The following ATRIP variants were observed in gnomAD, a reference collection of about 807,000 sequenced individuals.
ATRIP encodes the protein ATR-interacting protein.
In ATRIP, 44 loss-of-function variants were observed where a neutral mutation model predicts 78.1. That is an observed-to-expected ratio of 0.56 (90% CI 0.44 to 0.72). The LOEUF is 0.72. Ranked by LOEUF, ATRIP falls within the 30% of genes least tolerant of loss-of-function variation. ATRIP has a pLI of 0.00. For missense variants in ATRIP, 927 were observed against 980.2 expected, an observed-to-expected ratio of 0.95 and a Z score of 0.72; for synonymous variants, 388 against 408.9, an observed-to-expected ratio of 0.95 and a Z score of 0.62.
At chr3:48,450,516 A>G (rs2039807167) in intron 2 of ATRIP, 1 of 1,292,238 alleles carries the variant, frequency 7.7e-7, no homozygotes, top group Non-Finnish European at 1.0e-6. Flanking sequence ...CAGACACTTC[A>G]TATCACCATC....
intron 3 of ATRIP, 122 bp downstream of exon 3, chr3:48,452,021 C>A: frequency 1.1e-6 from 1 of 948,484 alleles, no homozygotes; most frequent in Non-Finnish European, 1.5e-6. Context: ...TTTCTGCTAT[C>A]ATCTCATTGC....
chr3:48,463,703 G>A (rs933307600), intron 8 of ATRIP, 42 bp from the exon 9 acceptor site: 1 of 1,612,080 alleles, frequency 6.2e-7, no homozygotes, highest in Non-Finnish European at 8.5e-7. Context: ...TATGGAGCTG[G>A]GGTTGGGGAG....
chr3:48,459,776 G>T lies in ATRIP; in HGVS notation c.926-11G>T. 1 of 1,609,024 alleles carries T rather than the reference G, an allele frequency of 6.2e-7. No individual in the cohort carries two copies. The highest frequency in any genetic ancestry group is 1.1e-5 in the South Asian group (1 of 89,968). ...TGTCAGAACCTTCTAGAGTCATCTT[G>T]TCTTCTGCAGGTTCCATTTTGATAA... On this transcript the variant is annotated splice_polypyrimidine_tract_variant and intron_variant, in intron 6 of 12. Coordinates refer to ENST00000320211, the MANE Select transcript of ATRIP (RefSeq NM_130384.3).
chr3:48,448,006 T>A (rs1013189215), intron 1 of ATRIP, among the ~76,000 whole-genome samples: 2 of 152,234 alleles, frequency 1.3e-5, no homozygotes, highest in Non-Finnish European at 2.9e-5. Context: ...CTGCCTGATC[T>A]GTGTTACCAT....
intron 3 of ATRIP, among the ~76,000 whole-genome samples, chr3:48,453,808 A>G (rs1161998297): frequency 1.3e-5 from 2 of 152,274 alleles, no homozygotes; most frequent in Admixed American, 6.5e-5. Flanking sequence ...GGTATTTTAC[A>G]CTCATCATTC....
chr3:48,461,053 C>T (rs775967219), intron 8 of ATRIP, among the ~76,000 whole-genome samples: 1 of 152,212 alleles, frequency 6.6e-6, no homozygotes, highest in Non-Finnish European at 1.5e-5. Context: ...GGCTGCTAAC[C>T]TCTGTGGAGG....
In ATRIP at chr3:48,457,295, A is replaced by T; in HGVS notation, c.708A>T (p.Glu236Asp). ...ACCCTTCTGTGGTTATAAAGCCAGA[A>T]GCATGTTCTCCACAATTTGGAAAAA... ...RKNPSVVIKP[E>D]ACSPQFGKTS... Residue 236 changes from glutamate to aspartate, a missense_variant, in exon 5 of 13, where the codon GAA (glutamate) becomes GAT (aspartate). Physicochemically the swap from Glu to Asp is conservative, Grantham distance 45 (BLOSUM62 2). Coordinates refer to ENST00000320211, the MANE Select transcript of ATRIP (RefSeq NM_130384.3). The T allele has an allele frequency of 6.2e-7, 1 of 1,603,196 alleles. No individual in the cohort carries two copies. Among genetic ancestry groups the T allele is most frequent in the Non-Finnish European group, 8.5e-7 (1 of 1,175,644 alleles).
At chr3:48,455,219 C>T (rs1436579669) in intron 4 of ATRIP, among the ~76,000 whole-genome samples, 3 of 152,188 alleles carry the variant, frequency 2.0e-5, no homozygotes, top group Non-Finnish European at 4.4e-5. Context: ...GAACTTTCTA[C>T]CGCCTTTGTT....
At chr3:48,452,043 C>T in intron 3 of ATRIP, 144 bp downstream of exon 3, 2 of 819,750 alleles carry the variant, frequency 2.4e-6, no homozygotes, top group Admixed American at 6.0e-5. Context: ...ATCCACTCTT[C>T]TTCCAGGGTC....
At chr3:48,448,368 C>T (rs1382838220) in intron 1 of ATRIP, among the ~76,000 whole-genome samples, 2 of 152,100 alleles carry the variant, frequency 1.3e-5, no homozygotes, top group East Asian at 3.8e-4. Context: ...TTAGTAGAGA[C>T]GGGGTTTCGC....
Position 48,460,302 on chromosome 3 carries a change from C to T in ATRIP, c.1248C>T (p.Ala416=), listed in dbSNP as rs34293767. The T allele has an allele frequency of 2.1e-4, 336 of 1,613,992 alleles. No homozygotes were observed. Among genetic ancestry groups the T allele is most frequent in the African/African-American group, 3.6e-4 (27 of 75,040 alleles). ...RAFPLCQLPG[A]VHFLPLVQFF... ...TCCCACTCTGCCAGCTTCCTGGAGC[C>T]GTGCATTTCCTCCCCCTTGTACAGT... is the stretch of plus-strand genomic sequence containing the variant. The change falls in exon 8 of 13, where the codon GCC becomes GCT. Residue 416 remains alanine (A), a synonymous_variant. Coordinates refer to ENST00000320211, the MANE Select transcript of ATRIP (RefSeq NM_130384.3).
In ATRIP at chr3:48,446,756, G is replaced by C; in HGVS notation, c.-90G>C. ...CGGGGCACTCGCGGCGGAGGCAAGCGGCGGCGCGCGGACGGTTGGTCCAGT... is the reference window on the plus strand; with the variant it reads ...CGGGGCACTCGCGGCGGAGGCAAGCCGCGGCGCGCGGACGGTTGGTCCAGT... On this transcript the variant is annotated 5_prime_UTR_variant, in exon 1 of 13. Transcript: ENST00000320211. 2 of 1,317,630 alleles carry C rather than the reference G, an allele frequency of 1.5e-6. No homozygotes were observed. The highest frequency in any genetic ancestry group is 1.9e-6 in the Non-Finnish European group (2 of 1,030,840). The allele number at this position is 1,317,630 out of a possible 1,614,324, so 81.6% of individuals were successfully genotyped here.
intron 4 of ATRIP, among the ~76,000 whole-genome samples, chr3:48,455,310 C>G (rs1036527265): frequency 1.3e-5 from 2 of 152,174 alleles, no homozygotes; most frequent in Non-Finnish European, 2.9e-5. Flanking sequence ...GGATCCTCTT[C>G]ACACATCAGT....
chr3:48,453,079 T>C (rs965701267), intron 3 of ATRIP, among the ~76,000 whole-genome samples: 1 of 152,048 alleles, frequency 6.6e-6, no homozygotes, highest in African/African-American at 2.4e-5. Context: ...AGACAGGGTT[T>C]TGCTGTATTC....
rs765715997 is a variant in ATRIP at position 48,466,767 on chromosome 3, G to T, written c.*1213G>T. The stretch of plus-strand genomic sequence containing the variant: ...CAAGGTCACGGAGCTGTGCCTGCTG[G>T]CTGTCCACAGATGTGCCCTGGAGAG... On this transcript the variant is annotated 3_prime_UTR_variant, in exon 13 of 13. Coordinates refer to ENST00000320211, the MANE Select transcript of ATRIP (RefSeq NM_130384.3). The T allele has an allele frequency of 1.2e-6, 2 of 1,613,796 alleles. No homozygotes were observed. The highest frequency in any genetic ancestry group is 1.7e-6 in the Non-Finnish European group (2 of 1,180,040).
rs1316673262 is a variant in ATRIP, at chr3:48,446,967, C to T, written c.122C>T (p.Ala41Val). Residue 41 changes from alanine (A) to valine (V), a missense_variant, in exon 1 of 13, where the codon GCT (alanine) becomes GTT (valine). Ala to Val is a moderately conservative substitution (Grantham distance 64). Transcript: ENST00000320211. Reference sequence around the variant, plus strand: ...CGGGCCCGGGGCTTCTCCGCAGCCGCTGCCCCGGACCCTGACGACCCGTTC... The same window carrying T: ...CGGGCCCGGGGCTTCTCCGCAGCCGTTGCCCCGGACCCTGACGACCCGTTC... ...SKRARGFSAAAAPDPDDPFGA... is the reference protein window; with the variant it reads ...SKRARGFSAAVAPDPDDPFGA... 7 of 1,549,446 alleles carry T rather than the reference C, an allele frequency of 4.5e-6. No homozygotes were observed. Among genetic ancestry groups the T allele is most frequent in the Non-Finnish European group, 5.2e-6 (6 of 1,151,032 alleles).
chr3:48,465,562 A>T lies in ATRIP; in HGVS notation c.*8A>T. On this transcript the variant is annotated 3_prime_UTR_variant, in exon 13 of 13. Coordinates refer to ENST00000320211, the MANE Select transcript of ATRIP (RefSeq NM_130384.3). Reference sequence around the variant, plus strand: ...GAGGTGGAGTGTGGCTGAGGCCCTGAGTGTCCAGCCACATGGTGGCACCAG... The same window carrying T: ...GAGGTGGAGTGTGGCTGAGGCCCTGTGTGTCCAGCCACATGGTGGCACCAG... 6.2e-7 allele frequency: 1 copy of T among 1,609,768 alleles called. No homozygotes were observed. The highest frequency in any genetic ancestry group is 8.5e-7 in the Non-Finnish European group (1 of 1,176,378).
Position 48,466,581 on chromosome 3 carries a change from C to A in ATRIP, c.*1027C>A. 6.2e-7 allele frequency: 1 copy of A among 1,613,808 alleles called. No individual in the cohort carries two copies. The highest frequency in any genetic ancestry group is 8.5e-7 in the Non-Finnish European group (1 of 1,179,900). On this transcript the variant is annotated 3_prime_UTR_variant, in exon 13 of 13. Transcript: ENST00000320211. ...ACCCCCTACCCCACTCCCTCCCCTT[C>A]GGATCTTAACACTGGGCACTCACAC...
intron 6 of ATRIP, 130 bp from the exon 7 acceptor site, chr3:48,459,657 G>A (rs1223648022): frequency 2.5e-5 from 33 of 1,301,294 alleles, no homozygotes; most frequent in Non-Finnish European, 3.4e-5. Context: ...GCACCCACAG[G>A]CATCTTCCTG....
Sources: gnomAD v4.1 joint callset for allele counts (sites outside exome capture counted in the v4.1 genomes callset) on GRCh38, gnomAD v4.1.1 for gene constraint, MANE v1.5 for transcripts, NCBI Gene and HGNC (gene_info 2026-07-23, HGNC 2026-07-21) for gene names.